The following NPC1 variants were observed in gnomAD, a reference collection of about 807,000 sequenced individuals.
The protein encoded by NPC1 is NPC intracellular cholesterol transporter 1, also known as Niemann-Pick C1 protein.
Under a neutral mutation model 140.4 loss-of-function variants are expected in NPC1, and 85 were observed. The ratio of observed to expected loss-of-function variants is 0.61; its 90% CI spans 0.51 to 0.72. The LOEUF (loss-of-function observed/expected upper bound fraction) is 0.72. NPC1 is among the 30% of genes least tolerant of loss of function. The pLI is 0.00. For missense variants in NPC1, 1,504 were observed against 1,623.8 expected, an observed-to-expected ratio of 0.93 and a Z score of 1.27; for synonymous variants, 656 against 624.8, an observed-to-expected ratio of 1.05 and a Z score of -0.74.
chr18:23,584,383 T>C (rs1026501376), intron 1 of NPC1, among the ~76,000 whole-genome samples: 6 of 152,200 alleles, frequency 3.9e-5, no homozygotes, highest in Non-Finnish European at 5.9e-5. Flanking sequence ...CTTTCAGACA[T>C]GAGGAATTTT....
At position 23,548,171 on chromosome 18, in the gene NPC1, C is replaced by G. The variant is rs1434716290; in HGVS notation, c.1655-63G>C. 5.3e-6 allele frequency: 5 copies of G among 935,042 alleles called. No homozygotes were observed. The African/African-American group carries it at 6.4e-5, about 12-fold the overall frequency. 57.9% of individuals were successfully genotyped at this position (935,042 alleles called of 1,614,324 possible). On this transcript the variant is annotated intron_variant, in intron 10 of 24. Transcript: ENST00000269228. ...AAGCATGCAGAAAATTAGACACATA[C>G]CAGGGGAAAAATCACAACACAGATT... is the stretch of plus-strand genomic sequence containing the variant.
chr18:23,540,654 G>T, intron 16 of NPC1, 117 bp from the exon 17 acceptor site: 1 of 801,882 alleles, frequency 1.2e-6, no homozygotes, highest in South Asian at 1.4e-5. Flanking sequence ...AAGCTTAAAT[G>T]ACAGGCTAAT....
Position 23,586,374 on chromosome 18 carries a change from C to T in NPC1, c.-31G>A, listed in dbSNP as rs886053668. The T allele has an allele frequency of 3.3e-6, 5 of 1,530,912 alleles. No individual in the cohort carries two copies. The highest frequency in any genetic ancestry group is 1.2e-5 in the South Asian group (1 of 83,576). The allele number at this position is 1,530,912 out of a possible 1,614,324, so 94.8% of individuals were successfully genotyped here. ...GGCCGCGCAAGGCTGCTGACGCCGGCGGCGTTCGGCTGGTTGGGCTCCCCG... is the reference window on the plus strand; with the variant it reads ...GGCCGCGCAAGGCTGCTGACGCCGGTGGCGTTCGGCTGGTTGGGCTCCCCG... On this transcript the variant is annotated 5_prime_UTR_variant, in exon 1 of 25. Coordinates refer to ENST00000269228, the MANE Select transcript of NPC1 (RefSeq NM_000271.5).
At position 23,556,584 on chromosome 18, in the gene NPC1, C is replaced by A; in HGVS notation, c.985G>T (p.Ala329Ser). The A allele has an allele frequency of 6.2e-7, 1 of 1,614,058 alleles. No individual in the cohort carries two copies. Among genetic ancestry groups the A allele is most frequent in the Non-Finnish European group, 8.5e-7 (1 of 1,179,982 alleles). The change falls in exon 8 of 25, where the codon GCA becomes TCA. Residue 329 changes from alanine (A) to serine (S), a missense_variant. By Grantham distance (99) the Ala-to-Ser change is moderately conservative. Transcript: ENST00000269228. ...CGCCTCAAGCAGCCCTCAAATGCTG[C>A]GCTGACAGGGTCACAGCAGGACGCC... is the stretch of plus-strand genomic sequence containing the variant. ...GEASCCDPVS[A>S]AFEGCLRRLF...
intron 3 of NPC1, among the ~76,000 whole-genome samples, chr18:23,571,732 A>C (rs2059207344): frequency 6.6e-6 from 1 of 151,792 alleles, no homozygotes; most frequent in African/African-American, 2.4e-5. Context: ...CTAGCTACTC[A>C]GGAGGCTAAG....
chr18:23,511,609 T>G (rs1436696319), intron 3 of NPC1, among the ~76,000 whole-genome samples: 2 of 152,158 alleles, frequency 1.3e-5, no homozygotes, highest in Non-Finnish European at 2.9e-5. Flanking sequence ...ACAAACTTCT[T>G]TTTAACAAAA....
At chr18:23,528,979 A>G, downstream of NPC1, 1 of 749,998 alleles carries the variant, frequency 1.3e-6, no homozygotes, top group Non-Finnish European at 2.0e-6. Flanking sequence ...TCCTGGGTTC[A>G]AGGGATTCTC....
At chr18:23,530,404 T>C (rs2145305114), downstream of NPC1, 2 of 1,614,196 alleles carry the variant, frequency 1.2e-6, no homozygotes, top group South Asian at 1.1e-5. Context: ...CAACAGCAAA[T>C]GATGAAATAG....
intron 23 of NPC1, 33 bp downstream of exon 23, chr18:23,534,413 C>G: frequency 7.1e-7 from 1 of 1,416,156 alleles, no homozygotes; most frequent in Non-Finnish European, 1.0e-6. Flanking sequence ...TGTGGTGCGA[C>G]TCTGCCGGCG....
At chr18:23,546,755 T>C (rs1040149210) in intron 11 of NPC1, among the ~76,000 whole-genome samples, 2 of 152,192 alleles carry the variant, frequency 1.3e-5, no homozygotes, top group African/African-American at 4.8e-5. Flanking sequence ...AAAGTCCACA[T>C]ATTATTCTAT....
chr18:23,534,412 A>C, intron 23 of NPC1, 34 bp downstream of exon 23: 1 of 1,395,966 alleles, frequency 7.2e-7, no homozygotes. Context: ...TTGTGGTGCG[A>C]CTCTGCCGGC....
At chr18:23,568,780 C>CATCAAA (rs1278277840) in intron 4 of NPC1, 43 bp downstream of exon 4, 1 of 1,519,064 alleles carries the variant, frequency 6.6e-7, no homozygotes, top group Non-Finnish European at 9.1e-7. Context: ...CTCTGCTGTC[C>CATCAAA]TGATGCCAGC....
In NPC1 at chr18:23,532,252, T is replaced by G; in HGVS notation, c.3787A>C (p.Thr1263Pro). ...PSVNKAKSCA[T>P]EERYKGTERE... The stretch of plus-strand genomic sequence containing the variant: ...TCTGTTCCTTTGTATCGCTCTTCAG[T>G]GGCACAACTTTTGGCTTTATTTACT... Residue 1263 changes from threonine to proline, a missense_variant, in exon 25 of 25, where the codon ACT becomes CCT. Thr to Pro is a conservative substitution (Grantham distance 38, BLOSUM62 -1). Coordinates refer to ENST00000269228, the MANE Select transcript of NPC1 (RefSeq NM_000271.5). The G allele has an allele frequency of 1.9e-6, 3 of 1,614,198 alleles. No individual in the cohort carries two copies. The highest frequency in any genetic ancestry group is 2.5e-6 in the Non-Finnish European group (3 of 1,180,034).
chr18:23,565,585 A>C (rs1302000522), intron 4 of NPC1, among the ~76,000 whole-genome samples: 2 of 152,094 alleles, frequency 1.3e-5, no homozygotes, highest in Non-Finnish European at 2.9e-5. Flanking sequence ...CAATCTCTTG[A>C]CCTTGTGATC....
intron 3 of NPC1, among the ~76,000 whole-genome samples, chr18:23,510,477 G>C (rs1444012857): frequency 6.6e-6 from 1 of 151,976 alleles, no homozygotes; most frequent in African/African-American, 2.4e-5. Context: ...ACGAAACCCT[G>C]TCTCTATTAA....
At chr18:23,516,496 C>A in intron 3 of NPC1, 2 of 1,496,824 alleles carry the variant, frequency 1.3e-6, no homozygotes, top group Middle Eastern at 1.7e-4. Context: ...GAGTGTGTTA[C>A]AAGCACCACG....
At chr18:23,582,354 A>C (rs2145588943) in intron 1 of NPC1, among the ~76,000 whole-genome samples, 1 of 152,350 alleles carries the variant, frequency 6.6e-6, no homozygotes, top group East Asian at 1.9e-4. Context: ...AAAATTTGAA[A>C]GTGAGAGGCA....
rs187742029 is a variant in NPC1, at chr18:23,535,835, A to G, written c.3246-135T>C. On this transcript the variant is annotated intron_variant, in intron 21 of 24. Coordinates refer to ENST00000269228, the MANE Select transcript of NPC1 (RefSeq NM_000271.5). The stretch of plus-strand genomic sequence containing the variant: ...GCAGAAAACCTTGCTGGCTGTCTAC[A>G]AGACTCACCGAAAGCAACTCACTTG... The G allele has an allele frequency of 6.1e-4, 436 of 716,094 alleles. 1 individual carries two copies. In the African/African-American group the frequency reaches 6.6e-3, roughly 11 times the overall value. The allele number at this position is 716,094 out of a possible 1,614,324, so 44.4% of individuals were successfully genotyped here.
intron 24 of NPC1, 91 bp downstream of exon 24, chr18:23,533,264 G>T: frequency 7.6e-7 from 1 of 1,309,634 alleles, no homozygotes; most frequent in Non-Finnish European, 1.1e-6. Flanking sequence ...ATTAGTATGA[G>T]TTCAAATACT....
Sources: gnomAD v4.1 joint callset for allele counts (sites outside exome capture counted in the v4.1 genomes callset) on GRCh38, gnomAD v4.1.1 for gene constraint, MANE v1.5 for transcripts, NCBI Gene and HGNC (gene_info 2026-07-23, HGNC 2026-07-21) for gene names.